The following ATM variants were observed in gnomAD, a reference collection of about 807,000 sequenced individuals.
The protein encoded by ATM is ATM serine/threonine kinase, also known as serine-protein kinase ATM.
Under a neutral mutation model 387.0 loss-of-function variants are expected in ATM, and 308 were observed. That is an observed-to-expected ratio of 0.80 (90% CI 0.73 to 0.87). The LOEUF is 0.87. ATM is among the 40% of genes least tolerant of loss of function. The pLI is 0.00. For missense variants in ATM, 3,312 were observed against 3,560.9 expected (o/e 0.93, Z 1.78); for synonymous variants, 1,156 against 1,187.3 (o/e 0.97, Z 0.54).
rs567344545 is a variant in ATM, at chr11:108,281,070, G to A, written c.3478G>A (p.Val1160Met). The A allele has an allele frequency of 1.2e-5, 19 of 1,613,762 alleles. No homozygotes were observed. The South Asian group carries it at 2.1e-4, about 18-fold the overall frequency. ...ATCTGTTTTACTGACGTTGATAGCT[G>A]TGGTTTTATCCTGTAGCCCTATCTG... ...RKSVLLTLIA[V>M]VLSCSPICEK... Residue 1160 changes from valine (V) to methionine (M), a missense_variant, in exon 24 of 63, where the codon GTG becomes ATG. Transcript: ENST00000675843.
rs921888791 is a variant in ATM at position 108,304,523 on chromosome 11, GT to G, written c.5497-145del. 4.3e-5 allele frequency: 35 copies of G among 809,208 alleles called. No homozygotes were observed. In the African/African-American group the frequency reaches 5.8e-4, roughly 13 times the overall value. The allele number at this position is 809,208 out of a possible 1,614,324, so 50.1% of individuals were successfully genotyped here. The stretch of plus-strand genomic sequence containing the variant: ...ACCACCTAATACATGTTTTTTGTTT[GT>G]TTTTTTAGCAGTATGTTGAGTTTAT... On this transcript the variant is annotated intron_variant, in intron 36 of 62. Coordinates refer to ENST00000675843, the MANE Select transcript of ATM (RefSeq NM_000051.4).
intron 16 of ATM, among the ~76,000 whole-genome samples, chr11:108,266,920 T>G (rs1003746121): frequency 3.6e-4 from 54 of 151,842 alleles, no homozygotes; most frequent in East Asian, 7.8e-4. Flanking sequence ...CTCAGCTTCC[T>G]GAGTAGCTGG....
chr11:108,293,919 A>ATATATATATG (rs1397910875), intron 31 of ATM, among the ~76,000 whole-genome samples: 11 of 117,024 alleles, frequency 9.4e-5, no homozygotes, highest in South Asian at 3.3e-4. Flanking sequence ...ATATATATAT[A>ATATATATATG]TGTGTGTGTA....
chr11:108,310,096 C>T (rs557638014), intron 38 of ATM, 64 bp from the exon 39 acceptor site: 1 of 1,525,214 alleles, frequency 6.6e-7, no homozygotes, highest in Non-Finnish European at 9.0e-7. Flanking sequence ...TCTATATCAA[C>T]ATGCTTTTAT....
chr11:108,301,246 G>T (rs1282573929), intron 34 of ATM, among the ~76,000 whole-genome samples: 1 of 152,104 alleles, frequency 6.6e-6, no homozygotes, highest in Non-Finnish European at 1.5e-5. Context: ...TAGGAAGCAG[G>T]TACAAGTTTT....
rs587781562 is a variant in ATM, at chr11:108,325,426, T to C, written c.6689T>C (p.Ile2230Thr). The C allele has an allele frequency of 6.2e-7, 1 of 1,613,790 alleles. No homozygotes were observed. The highest frequency in any genetic ancestry group is 8.5e-7 in the Non-Finnish European group (1 of 1,179,872). The part of the protein sequence containing the change: ...QEPIMALRTV[I>T]LEILMEKEMD... ...CCTATCATGGCTCTACGCACAGTCATTTTGGAGATCCTGATGGAAAAGGAA... is the reference window on the plus strand; with the variant it reads ...CCTATCATGGCTCTACGCACAGTCACTTTGGAGATCCTGATGGAAAAGGAA... Residue 2230 changes from isoleucine to threonine, a missense_variant, in exon 46 of 63, where the codon ATT (isoleucine) becomes ACT (threonine). By Grantham distance (89) the Ile-to-Thr change is moderately conservative (BLOSUM62 -1). Transcript: ENST00000675843.
intron 16 of ATM, 47 bp downstream of exon 16, chr11:108,259,122 A>G (rs752157519): frequency 1.0e-5 from 15 of 1,470,218 alleles, no homozygotes; most frequent in South Asian, 3.4e-5. Context: ...TCTAATAGGC[A>G]TAATTTTTTT....
chr11:108,270,117 T>C (rs1241006237), intron 18 of ATM, among the ~76,000 whole-genome samples: 1 of 152,128 alleles, frequency 6.6e-6, no homozygotes, highest in Non-Finnish European at 1.5e-5. Context: ...AGCCAGAAAA[T>C]TATTTGGTAG....
At chr11:108,277,939 T>G (rs2082034927) in intron 22 of ATM, among the ~76,000 whole-genome samples, 1 of 152,248 alleles carries the variant, frequency 6.6e-6, no homozygotes, top group African/African-American at 2.4e-5. Context: ...CTAAAGGCAC[T>G]GGTTTTTGTC....
intron 29 of ATM, among the ~76,000 whole-genome samples, chr11:108,292,383 G>A (rs1323583105): frequency 1.3e-5 from 2 of 152,160 alleles, no homozygotes; most frequent in Non-Finnish European, 2.9e-5. Context: ...AACAAAATTA[G>A]TTCTGACAAT....
intron 18 of ATM, 52 bp from the exon 19 acceptor site, chr11:108,271,012 A>T (rs2135546048): frequency 6.7e-7 from 1 of 1,481,688 alleles, no homozygotes; most frequent in Non-Finnish European, 9.4e-7. Context: ...TATACTTTTT[A>T]AAGTAAATGA....
intron 17 of ATM, among the ~76,000 whole-genome samples, chr11:108,267,717 C>T (rs968829492): frequency 6.6e-6 from 1 of 151,940 alleles, no homozygotes; most frequent in Non-Finnish European, 1.5e-5. Flanking sequence ...ATTAGATGGG[C>T]GTGGTGGCGG....
chr11:108,286,172 G>A (rs2082478663), intron 26 of ATM, among the ~76,000 whole-genome samples: 1 of 151,812 alleles, frequency 6.6e-6, no homozygotes, highest in Admixed American at 6.6e-5. Context: ...TCTCTACTGG[G>A]TGTGGTGGTG....
intron 56 of ATM, among the ~76,000 whole-genome samples, chr11:108,338,980 A>G (rs1409933620): frequency 6.6e-6 from 1 of 152,182 alleles, no homozygotes; most frequent in Non-Finnish European, 1.5e-5. Context: ...AAGAGCATAC[A>G]TTGACTACCT....
At chr11:108,264,339 A>T (rs943366531) in intron 16 of ATM, among the ~76,000 whole-genome samples, 13 of 152,226 alleles carry the variant, frequency 8.5e-5, no homozygotes, top group African/African-American at 3.1e-4. Flanking sequence ...ACACAAATCA[A>T]TAAATGTAAT....
chr11:108,328,726 A>G (rs909508147), intron 48 of ATM, among the ~76,000 whole-genome samples: 1 of 152,246 alleles, frequency 6.6e-6, no homozygotes, highest in Non-Finnish European at 1.5e-5. Flanking sequence ...GCCTTGGGCC[A>G]CACATAAAAT....
At chr11:108,297,676 C>T (rs567149908) in intron 33 of ATM, among the ~76,000 whole-genome samples, 79 of 152,106 alleles carry the variant, frequency 5.2e-4, no homozygotes, top group Non-Finnish European at 8.8e-4. Flanking sequence ...GTGAGTTATG[C>T]GGTGGTCATC....
chr11:108,243,913 T>A (rs1341453895), intron 5 of ATM, 40 bp from the exon 6 acceptor site: 19 of 1,495,296 alleles, frequency 1.3e-5, no homozygotes, highest in Non-Finnish European at 1.6e-5. Flanking sequence ...CATTTTGATT[T>A]TTAAAAAATC....
Position 108,367,642 on chromosome 11 carries a change from T to C in ATM, c.*2134T>C, listed in dbSNP as rs2091404107. 1 of 210,290 alleles carries C rather than the reference T, an allele frequency of 4.8e-6. No individual in the cohort carries two copies. Among genetic ancestry groups the C allele is most frequent in the Non-Finnish European group, 9.7e-6 (1 of 103,350 alleles). The allele number at this position is 210,290 out of a possible 1,614,324, so 13.0% of individuals were successfully genotyped here. A position where few individuals can be genotyped will look rare whatever the true frequency, so the allele number is the denominator to read the frequency against. ...TTTGGACCTTGAAGGTTATATAAAT[T>C]TTTTTCTTATGAAGAGTTGGCATTT... On this transcript the variant is annotated 3_prime_UTR_variant, in exon 63 of 63. Coordinates refer to ENST00000675843, the MANE Select transcript of ATM (RefSeq NM_000051.4).
Sources: gnomAD v4.1 joint callset for allele counts (sites outside exome capture counted in the v4.1 genomes callset) on GRCh38, gnomAD v4.1.1 for gene constraint, MANE v1.5 for transcripts, NCBI Gene and HGNC (gene_info 2026-07-23, HGNC 2026-07-21) for gene names.